The following DOK6 variants were observed in gnomAD, a reference collection of about 807,000 sequenced individuals.
The protein encoded by DOK6 is downstream of tyrosine kinase 6.
DOK6 carries 22 observed loss-of-function variants against 44.0 expected under a neutral mutation model. That is an observed-to-expected ratio of 0.50 (90% CI 0.36 to 0.71). The LOEUF (loss-of-function observed/expected upper bound fraction) is 0.71, where lower values mean the gene tolerates loss of function less well. Ranked by LOEUF, DOK6 falls within the 30% of genes least tolerant of loss-of-function variation. The pLI, the probability that DOK6 is intolerant of heterozygous loss-of-function variation, is 0.00. For missense variants in DOK6, 340 were observed against 416.4 expected, an observed-to-expected ratio of 0.82 and a Z score of 1.60; for synonymous variants, 166 against 145.5, an observed-to-expected ratio of 1.14 and a Z score of -1.01.
intron 2 of DOK6, among the ~76,000 whole-genome samples, chr18:69,585,680 G>A (rs75264574): frequency 0.092 from 14,073 of 152,172 alleles, 792 homozygotes; most frequent in East Asian, 0.28. Context: ...TCCAAAACCA[G>A]TTAGGGTTGT....
chr18:69,703,162 T>C (rs1429034126), intron 5 of DOK6, among the ~76,000 whole-genome samples: 4 of 152,220 alleles, frequency 2.6e-5, no homozygotes, highest in African/African-American at 2.4e-5. Context: ...ATTATCTCTT[T>C]GGAATTAAAG....
At chr18:69,490,784 T>C (rs914257067) in intron 1 of DOK6, among the ~76,000 whole-genome samples, 1 of 152,258 alleles carries the variant, frequency 6.6e-6, no homozygotes, top group Non-Finnish European at 1.5e-5. Flanking sequence ...ATCAATGTAA[T>C]AAAATTGTGA....
At chr18:69,505,403 G>A (rs1981154527) in intron 1 of DOK6, among the ~76,000 whole-genome samples, 1 of 151,498 alleles carries the variant, frequency 6.6e-6, no homozygotes, top group Non-Finnish European at 1.5e-5. Context: ...TTCTAATGCT[G>A]TGGGAAAAAA....
chr18:69,609,486 G>A lies in DOK6; in HGVS notation c.289+9988G>A, dbSNP rs4555246. ...AAACCTGCCAGGATGGCTATTACAA[G>A]AAATAAATAAATAAATAAATAAATA... On this transcript the variant is annotated intron_variant, in intron 3 of 7. Coordinates refer to ENST00000382713, the MANE Select transcript of DOK6 (RefSeq NM_152721.6). 3.0e-4 allele frequency among the ~76,000 whole-genome samples: 45 copies of A among 148,254 alleles called. 1 individual carries two copies. Among genetic ancestry groups the A allele is most frequent in the Non-Finnish European group, 4.4e-4 (30 of 67,820 alleles).
At chr18:69,426,734 T>G (rs766886226) in intron 1 of DOK6, among the ~76,000 whole-genome samples, 20 of 152,178 alleles carry the variant, frequency 1.3e-4, no homozygotes, top group Non-Finnish European at 2.9e-4. Context: ...ATGATATGTG[T>G]CACATTTTGA....
At chr18:69,542,168 T>C (rs970662529) in intron 1 of DOK6, among the ~76,000 whole-genome samples, 2 of 151,444 alleles carry the variant, frequency 1.3e-5, no homozygotes, top group African/African-American at 4.8e-5. Context: ...TTTATTGTGG[T>C]TTATAGAACA....
At chr18:69,753,172 T>C (rs979242679) in intron 6 of DOK6, among the ~76,000 whole-genome samples, 3 of 152,236 alleles carry the variant, frequency 2.0e-5, no homozygotes, top group Admixed American at 6.5e-5. Flanking sequence ...ATCTCTTTGA[T>C]ATCATCTACG....
chr18:69,548,982 C>T (rs906481603), intron 1 of DOK6, among the ~76,000 whole-genome samples: 4 of 150,578 alleles, frequency 2.7e-5, no homozygotes, highest in Non-Finnish European at 4.5e-5. Context: ...GTAGTTCCAG[C>T]TACTCGGGAG....
At chr18:69,772,759 A>G (rs1599317438) in intron 7 of DOK6, among the ~76,000 whole-genome samples, 1 of 152,142 alleles carries the variant, frequency 6.6e-6, no homozygotes, top group East Asian at 1.9e-4. Flanking sequence ...CTAGAAGGAT[A>G]AGCTTCAGGC....
At chr18:69,595,463 A>T (rs1341578243) in intron 2 of DOK6, among the ~76,000 whole-genome samples, 1 of 152,182 alleles carries the variant, frequency 6.6e-6, no homozygotes, top group Non-Finnish European at 1.5e-5. Flanking sequence ...TGAGGGCTTC[A>T]TCTTGAACAT....
intron 3 of DOK6, among the ~76,000 whole-genome samples, chr18:69,633,937 G>C (rs1227152724): frequency 6.6e-6 from 1 of 152,068 alleles, no homozygotes; most frequent in Non-Finnish European, 1.5e-5. Context: ...AGAGGAACAA[G>C]AGAGTATAAA....
At chr18:69,608,898 C>T (rs982482809) in intron 3 of DOK6, among the ~76,000 whole-genome samples, 3 of 135,682 alleles carry the variant, frequency 2.2e-5, no homozygotes, top group Non-Finnish European at 3.0e-5. Flanking sequence ...TGCAGTGAGC[C>T]GAGATGGCGC....
At position 69,561,033 on chromosome 18, in the gene DOK6, A is replaced by G. The variant is rs181919641; in HGVS notation, c.67-3454A>G. 8.2e-3 allele frequency among the ~76,000 whole-genome samples: 1,256 copies of G among 152,266 alleles called. 20 individuals are homozygous for G. Among genetic ancestry groups the G allele is most frequent in the African/African-American group, 0.029 (1,185 of 41,534 alleles). ...TTAGAATTGTATATCACTAGGAAAA[A>G]AGTGTCCCTTCATATGGCTTTGTCA... On this transcript the variant is annotated intron_variant, in intron 1 of 7. Transcript: ENST00000382713.
intron 6 of DOK6, among the ~76,000 whole-genome samples, chr18:69,747,661 C>T (rs1979034234): frequency 6.6e-6 from 1 of 151,414 alleles, no homozygotes; most frequent in Non-Finnish European, 1.5e-5. Flanking sequence ...GTCTAGAGAA[C>T]TGTTTTCTAT....
chr18:69,666,997 C>T (rs1417371359), intron 3 of DOK6, among the ~76,000 whole-genome samples: 1 of 152,116 alleles, frequency 6.6e-6, no homozygotes. Context: ...GAAGGACCCC[C>T]CCTCCCCGCC....
chr18:69,768,948 G>GGTGTGTGTGT (rs1341229658), intron 7 of DOK6, among the ~76,000 whole-genome samples: 35 of 37,704 alleles, frequency 9.3e-4, no homozygotes, highest in African/African-American at 1.6e-3. Context: ...AGATTTGAAG[G>GGTGTGTGTGT]GTGTGCGTGT....
At chr18:69,408,167 G>A (rs1978292393) in intron 1 of DOK6, among the ~76,000 whole-genome samples, 1 of 152,168 alleles carries the variant, frequency 6.6e-6, no homozygotes, top group Admixed American at 6.5e-5. Flanking sequence ...TTATAGAACA[G>A]CCACCACTTT....
At chr18:69,726,650 T>C (rs142095446) in intron 5 of DOK6, among the ~76,000 whole-genome samples, 7 of 151,778 alleles carry the variant, frequency 4.6e-5, no homozygotes, top group East Asian at 1.9e-4. Flanking sequence ...TATATGTACA[T>C]GTATGTATAT....
intron 3 of DOK6, among the ~76,000 whole-genome samples, chr18:69,603,770 C>CAAAAAAAAA (rs55654660): frequency 1.3e-5 from 1 of 74,346 alleles, no homozygotes; most frequent in Non-Finnish European, 2.4e-5. Context: ...GACTCCGTCT[C>CAAAAAAAAA]AAAAAAAAAA....
Sources: allele counts gnomAD v4.1 joint callset (sites outside exome capture counted in the v4.1 genomes callset), GRCh38; gene constraint gnomAD v4.1.1; transcripts MANE v1.5; gene names NCBI Gene and HGNC (gene_info 2026-07-23, HGNC 2026-07-21).